The following ESR1 variants were observed in gnomAD, a reference collection of about 807,000 sequenced individuals.
The protein encoded by ESR1 is estrogen receptor 1.
A neutral mutation model predicts 52.7 loss-of-function variants in ESR1; 12 were observed. The observed-to-expected ratio is 0.23, with a 90% CI of 0.15 to 0.37. The LOEUF (loss-of-function observed/expected upper bound fraction) is 0.37. Among genes scored for constraint, ESR1 ranks in the 10% least tolerant of loss-of-function variants. The pLI is 1.00. For missense variants in ESR1, 584 were observed against 779.7 expected (o/e 0.75, Z 2.99); for synonymous variants, 305 against 316.8 (o/e 0.96, Z 0.39).
intron 3 of ESR1, among the ~76,000 whole-genome samples, chr6:151,897,876 T>A (rs1175716459): frequency 6.6e-6 from 1 of 152,204 alleles, no homozygotes; most frequent in Non-Finnish European, 1.5e-5. Context: ...TGTAGTCATG[T>A]AGTGCTGGCT....
intron 4 of ESR1, among the ~76,000 whole-genome samples, chr6:152,001,938 G>T (rs1584751930): frequency 6.6e-6 from 1 of 152,076 alleles, no homozygotes. Flanking sequence ...GCTCCTGACT[G>T]GCTGGGCCCA....
Position 151,677,927 on chromosome 6 carries a change from C to T in ESR1, n.73+21164C>T, listed in dbSNP as rs562279630. ...TTACTCATGAAAACTCACACATTCT[C>T]TTAGGTGGTACTGTTAAACATGTTA... On this transcript the variant is annotated intron_variant and non_coding_transcript_variant, in intron 1 of 2. Transcript: ENST00000473497. Among the ~76,000 whole-genome samples, 7 of 152,178 alleles carry T rather than the reference C, an allele frequency of 4.6e-5. No individual in the cohort carries two copies. In the South Asian group the frequency reaches 1.5e-3, roughly 32 times the overall value.
chr6:151,956,984 C>T (rs912327698), intron 4 of ESR1, among the ~76,000 whole-genome samples: 2 of 150,738 alleles, frequency 1.3e-5, no homozygotes, highest in South Asian at 4.2e-4. Flanking sequence ...TCATGCCATT[C>T]TTCTGCCTCA....
At chr6:151,675,309 G>C (rs891803431) in intron 1 of ESR1, among the ~76,000 whole-genome samples, 10 of 152,176 alleles carry the variant, frequency 6.6e-5, no homozygotes, top group African/African-American at 1.9e-4. Flanking sequence ...GTGGTGGAGA[G>C]CTGAGCAGGT....
chr6:152,099,703 A>G lies in ESR1; in HGVS notation c.*737A>G, dbSNP rs1390993477. 3.6e-6 allele frequency: 1 copy of G among 280,218 alleles called. No homozygotes were observed. Among genetic ancestry groups the G allele is most frequent in the South Asian group, 1.7e-4 (1 of 5,956 alleles). The allele number at this position is 280,218 out of a possible 1,614,324, so 17.4% of individuals were successfully genotyped here. On this transcript the variant is annotated 3_prime_UTR_variant, in exon 8 of 8. Coordinates refer to ENST00000206249, the MANE Select transcript of ESR1 (RefSeq NM_000125.4). Reference sequence around the variant, plus strand: ...GTTAATTCATGCCTCCCATGGACCTATGGAGAGCAGCAAGTTGATCTTAGT... The same window carrying G: ...GTTAATTCATGCCTCCCATGGACCTGTGGAGAGCAGCAAGTTGATCTTAGT...
At chr6:152,012,820 G>A (rs1445233110) in intron 5 of ESR1, among the ~76,000 whole-genome samples, 2 of 152,208 alleles carry the variant, frequency 1.3e-5, no homozygotes, top group Non-Finnish European at 2.9e-5. Context: ...GTGCCAAGCA[G>A]TCTAAGGCTG....
chr6:151,853,476 C>T (rs1787265613), intron 2 of ESR1, among the ~76,000 whole-genome samples: 1 of 152,138 alleles, frequency 6.6e-6, no homozygotes, highest in African/African-American at 2.4e-5. Flanking sequence ...TAAATCACAG[C>T]CTTTCAACCT....
chr6:152,006,751 G>A (rs1015271191), intron 4 of ESR1, among the ~76,000 whole-genome samples: 4 of 151,968 alleles, frequency 2.6e-5, no homozygotes, highest in Non-Finnish European at 5.9e-5. Flanking sequence ...AATGCAACAG[G>A]CAATTTCATG....
At chr6:151,693,455 C>T (rs931037767) in intron 1 of ESR1, among the ~76,000 whole-genome samples, 17 of 150,724 alleles carry the variant, frequency 1.1e-4, no homozygotes, top group African/African-American at 3.7e-4. Flanking sequence ...TCCATCATTC[C>T]TCTCCTTTGT....
intron 4 of ESR1, among the ~76,000 whole-genome samples, chr6:151,945,464 G>A (rs531967833): frequency 5.6e-4 from 86 of 152,272 alleles, no homozygotes; most frequent in African/African-American, 2.0e-3. Flanking sequence ...TGGTGTTCTG[G>A]TAAAATTGGA....
chr6:151,861,418 A>G (rs1237998226), intron 2 of ESR1, among the ~76,000 whole-genome samples: 3 of 152,230 alleles, frequency 2.0e-5, no homozygotes, highest in Admixed American at 6.5e-5. Context: ...ATATTCTGTT[A>G]AATAAAATAC....
chr6:151,930,996 G>A (rs2033515482), intron 3 of ESR1, among the ~76,000 whole-genome samples: 1 of 151,992 alleles, frequency 6.6e-6, no homozygotes, highest in Non-Finnish European at 1.5e-5. Flanking sequence ...AATACAATAT[G>A]CCTAGGTGTT....
At chr6:151,851,613 C>T (rs553906841) in intron 2 of ESR1, among the ~76,000 whole-genome samples, 6 of 151,688 alleles carry the variant, frequency 4.0e-5, no homozygotes, top group South Asian at 4.2e-4. Flanking sequence ...CAACAACCTC[C>T]GTCTCCTGGG....
intron 2 of ESR1, among the ~76,000 whole-genome samples, chr6:151,790,026 G>A (rs1172581981): frequency 1.3e-5 from 2 of 152,122 alleles, no homozygotes; most frequent in Non-Finnish European, 2.9e-5. Flanking sequence ...TGGGCTCTTC[G>A]GATAACCCCC....
chr6:151,823,657 T>C (rs1780975189), intron 1 of ESR1, among the ~76,000 whole-genome samples: 1 of 151,728 alleles, frequency 6.6e-6, no homozygotes, highest in South Asian at 2.1e-4. Flanking sequence ...GAGTGTGATG[T>C]TCCCCACCCT....
intron 2 of ESR1, among the ~76,000 whole-genome samples, chr6:151,763,051 ATAAAG>A (rs1225113344): frequency 3.3e-5 from 5 of 151,756 alleles, no homozygotes; most frequent in African/African-American, 4.8e-5. Context: ...TTTAAAATAC[ATAAAG>A]TAAATATATA....
intron 3 of ESR1, among the ~76,000 whole-genome samples, chr6:151,895,540 T>C (rs1795361310): frequency 6.6e-6 from 1 of 152,230 alleles, no homozygotes; most frequent in Non-Finnish European, 1.5e-5. Context: ...AGATGCCTTT[T>C]ATTACAGTGA....
chr6:152,046,242 C>T (rs1035936382), intron 5 of ESR1, among the ~76,000 whole-genome samples: 4 of 152,112 alleles, frequency 2.6e-5, no homozygotes, highest in African/African-American at 4.8e-5. Context: ...AATGGAATTC[C>T]GGAAAGGTTA....
intron 5 of ESR1, among the ~76,000 whole-genome samples, chr6:152,015,186 A>G (rs2043076742): frequency 6.6e-6 from 1 of 152,144 alleles, no homozygotes; most frequent in East Asian, 1.9e-4. Context: ...CAGGCTAAAA[A>G]CACCTGGTGG....
Sources: gnomAD v4.1 joint callset for allele counts (sites outside exome capture counted in the v4.1 genomes callset) on GRCh38, gnomAD v4.1.1 for gene constraint, MANE v1.5 for transcripts, NCBI Gene and HGNC (gene_info 2026-07-23, HGNC 2026-07-21) for gene names.